FAM114A1: variants seen among roughly 807,000 people sequenced by gnomAD.
FAM114A1 encodes the protein family with sequence similarity 114 member A1.
Under a neutral mutation model 64.3 loss-of-function variants are expected in FAM114A1, and 62 were observed. The observed-to-expected ratio is 0.96, with a 90% CI of 0.79 to 1.19. The LOEUF (loss-of-function observed/expected upper bound fraction) is 1.19, where lower values mean the gene tolerates loss of function less well. FAM114A1 is among the 50% of genes most tolerant of loss of function. The pLI is 0.00. For synonymous variants in FAM114A1, 254 were observed against 251.1 expected, an observed-to-expected ratio of 1.01 and a Z score of -0.11; for missense variants, 645 against 676.3, an observed-to-expected ratio of 0.95 and a Z score of 0.51.
intron 2 of FAM114A1, among the ~76,000 whole-genome samples, chr4:38,876,443 T>A (rs1274693609): frequency 6.6e-6 from 1 of 152,168 alleles, no homozygotes; most frequent in Non-Finnish European, 1.5e-5. Flanking sequence ...AGTGCTGGGA[T>A]TACAGGTGTG....
chr4:38,884,654 A>G (rs1450256296), intron 3 of FAM114A1, among the ~76,000 whole-genome samples: 1 of 152,264 alleles, frequency 6.6e-6, no homozygotes, highest in African/African-American at 2.4e-5. Context: ...TTTTTAAATG[A>G]AACGGTAATT....
intron 2 of FAM114A1, among the ~76,000 whole-genome samples, chr4:38,873,414 A>G (rs1436620778): frequency 6.6e-6 from 1 of 152,230 alleles, no homozygotes; most frequent in African/African-American, 2.4e-5. Context: ...CTCAACAGGC[A>G]TATTTGTTGA....
intron 13 of FAM114A1, 32 bp from the exon 14 acceptor site, chr4:38,940,935 TA>T (rs1213952351): frequency 1.9e-6 from 3 of 1,611,294 alleles, no homozygotes; most frequent in East Asian, 4.5e-5. Context: ...TATGAGCACC[TA>T]ATCTGTCAAT....
intron 4 of FAM114A1, among the ~76,000 whole-genome samples, chr4:38,897,938 T>C (rs6826796): frequency 0.24 from 36,141 of 148,886 alleles, 4,894 homozygotes; most frequent in Non-Finnish European, 0.28. Context: ...AGAACAAGAC[T>C]CTGTTTCAAA....
chr4:38,894,149 T>G (rs1716676595), intron 4 of FAM114A1, among the ~76,000 whole-genome samples: 1 of 111,774 alleles, frequency 8.9e-6, no homozygotes, highest in Non-Finnish European at 1.7e-5. Context: ...GGCAATAGAA[T>G]GAGAGTATGT....
At chr4:38,906,768 C>A (rs1412648084) in intron 6 of FAM114A1, among the ~76,000 whole-genome samples, 1 of 152,210 alleles carries the variant, frequency 6.6e-6, no homozygotes, top group Non-Finnish European at 1.5e-5. Context: ...CTCTTGACCT[C>A]AGGTGATCCT....
At chr4:38,896,534 G>A (rs1716957511) in intron 4 of FAM114A1, among the ~76,000 whole-genome samples, 1 of 152,218 alleles carries the variant, frequency 6.6e-6, no homozygotes, top group African/African-American at 2.4e-5. Flanking sequence ...TGAAAGGTAA[G>A]AGGGATCATA....
chr4:38,872,794 A>G (rs1367289887), intron 2 of FAM114A1, among the ~76,000 whole-genome samples: 2 of 152,202 alleles, frequency 1.3e-5, no homozygotes, highest in Admixed American at 6.5e-5. Context: ...CCTGTGTTGC[A>G]ATGACTCAGC....
At chr4:38,915,293 T>G (rs4240248) in intron 8 of FAM114A1, among the ~76,000 whole-genome samples, 78,882 of 151,786 alleles carry the variant, frequency 0.52, 23,029 homozygotes, top group African/African-American at 0.79. Flanking sequence ...CAAAAAGGCC[T>G]GCACAGTAAG....
chr4:38,920,003 G>A (rs767214716), intron 8 of FAM114A1, among the ~76,000 whole-genome samples: 4 of 152,146 alleles, frequency 2.6e-5, no homozygotes, highest in Admixed American at 2.0e-4. Context: ...GAGGTCAGGA[G>A]TTTGAGACCA....
At chr4:38,887,086 ATGAGAGGGAGGAAGTAATTG>A (rs999572756) in intron 3 of FAM114A1, among the ~76,000 whole-genome samples, 3 of 152,174 alleles carry the variant, frequency 2.0e-5, no homozygotes, top group Non-Finnish European at 4.4e-5. Flanking sequence ...TTCCATAATA[ATGAGAGGGAGGAAGTAATTG>A]TGAATCGCAG....
At chr4:38,929,152 C>A (rs756794965) in intron 9 of FAM114A1, 90 bp from the exon 10 acceptor site, 5 of 997,272 alleles carry the variant, frequency 5.0e-6, no homozygotes, top group East Asian at 4.9e-5. Context: ...ACTTAGTCTA[C>A]CCCAGCTGCA....
At chr4:38,928,625 A>G (rs1720356181) in intron 9 of FAM114A1, among the ~76,000 whole-genome samples, 1 of 152,196 alleles carries the variant, frequency 6.6e-6, no homozygotes, top group African/African-American at 2.4e-5. Context: ...TGAGCAGAAG[A>G]AATACTGTCT....
chr4:38,909,346 GTTA>G (rs1409957574), intron 7 of FAM114A1, among the ~76,000 whole-genome samples: 19 of 152,148 alleles, frequency 1.2e-4, no homozygotes, highest in Admixed American at 1.2e-3. Context: ...TGTCATTGCC[GTTA>G]TTATGTGTCG....
At chr4:38,918,940 G>T (rs1560318735) in intron 8 of FAM114A1, among the ~76,000 whole-genome samples, 1 of 152,168 alleles carries the variant, frequency 6.6e-6, no homozygotes, top group African/African-American at 2.4e-5. Context: ...TCACCTGAAG[G>T]CCAGGAGTTC....
intron 3 of FAM114A1, among the ~76,000 whole-genome samples, chr4:38,885,594 T>G (rs575933914): frequency 1.3e-5 from 2 of 152,300 alleles, no homozygotes; most frequent in Admixed American, 1.3e-4. Flanking sequence ...TACCTTTATT[T>G]TTACCATCTA....
At chr4:38,918,193 C>G (rs1719257498) in intron 8 of FAM114A1, among the ~76,000 whole-genome samples, 1 of 152,154 alleles carries the variant, frequency 6.6e-6, no homozygotes, top group African/African-American at 2.4e-5. Context: ...CATTGCACTC[C>G]AGCCTGGGCA....
At chr4:38,941,137 C>A in intron 14 of FAM114A1, 116 bp downstream of exon 14, 1 of 896,442 alleles carries the variant, frequency 1.1e-6, no homozygotes, top group Non-Finnish European at 1.7e-6. Flanking sequence ...TGAATCTCAT[C>A]ATCAGGTCTT....
At chr4:38,879,283 T>C (rs987028442) in intron 3 of FAM114A1, among the ~76,000 whole-genome samples, 2 of 152,164 alleles carry the variant, frequency 1.3e-5, no homozygotes, top group African/African-American at 4.8e-5. Context: ...CCAGCCCTGT[T>C]CATCCTGAAG....
Sources: allele counts gnomAD v4.1 joint callset (sites outside exome capture counted in the v4.1 genomes callset), GRCh38; gene constraint gnomAD v4.1.1; transcripts MANE v1.5; gene names NCBI Gene and HGNC (gene_info 2026-07-23, HGNC 2026-07-21).